The following DNMT3A variants were observed in gnomAD, a reference collection of about 807,000 sequenced individuals.
DNMT3A encodes the protein DNA methyltransferase 3 alpha.
Under a neutral mutation model 117.6 loss-of-function variants are expected in DNMT3A, and 267 were observed. That is an observed-to-expected ratio of 2.27 (90% CI 2.05 to 2.51). DNMT3A has a LOEUF of 2.51. DNMT3A is among the 30% of genes most tolerant of loss of function. The pLI, the probability that DNMT3A is intolerant of heterozygous loss-of-function variation, is 0.00. For missense variants in DNMT3A, 1,029 were observed against 1,260.2 expected, an observed-to-expected ratio of 0.82 and a Z score of 2.78; for synonymous variants, 432 against 474.8, an observed-to-expected ratio of 0.91 and a Z score of 1.17.
intron 1 of DNMT3A, among the ~76,000 whole-genome samples, chr2:25,319,114 A>G (rs2034496365): frequency 6.7e-6 from 1 of 148,226 alleles, no homozygotes; most frequent in Non-Finnish European, 1.5e-5. Flanking sequence ...TCCCGGGTTC[A>G]TGCCATTCTC....
intron 6 of DNMT3A, among the ~76,000 whole-genome samples, chr2:25,273,284 G>A (rs111479240): frequency 0.012 from 1,856 of 152,124 alleles, 22 homozygotes; most frequent in Non-Finnish European, 0.018. Flanking sequence ...CTAATTTTTT[G>A]TATTTTTGGT....
chr2:25,238,972 T>C (rs1673665416), intron 20 of DNMT3A, among the ~76,000 whole-genome samples, 158 bp downstream of exon 20: 1 of 152,242 alleles, frequency 6.6e-6, no homozygotes, highest in Non-Finnish European at 1.5e-5. Flanking sequence ...CTGACTCCTC[T>C]TCCTCCTCAA....
intron 1 of DNMT3A, among the ~76,000 whole-genome samples, chr2:25,331,448 T>G (rs1319880935): frequency 6.6e-6 from 1 of 152,194 alleles, no homozygotes; most frequent in Non-Finnish European, 1.5e-5. Flanking sequence ...CCTATCTCTC[T>G]CCGCAGACCT....
chr2:25,303,889 A>C (rs1222701866), intron 2 of DNMT3A, among the ~76,000 whole-genome samples: 1 of 152,244 alleles, frequency 6.6e-6, no homozygotes, highest in African/African-American at 2.4e-5. Flanking sequence ...GAAGCGTAGC[A>C]AGTGGTTCAT....
rs981218522 is a variant in DNMT3A, at chr2:25,314,418, C to A, written c.-177-257G>T. 74 of 985,252 alleles carry A rather than the reference C, an allele frequency of 7.5e-5. No homozygotes were observed. The African/African-American group carries it at 1.2e-3, about 16-fold the overall frequency. 61.0% of individuals were successfully genotyped at this position (985,252 alleles called of 1,614,324 possible). On this transcript the variant is annotated intron_variant, in intron 1 of 22. Coordinates refer to ENST00000321117, the MANE Select transcript of DNMT3A (RefSeq NM_022552.5). ...CGGCCAATGGGTGCCACTTCTGGGA[C>A]CTCCAGCTGCCTCCGCCTCCTCCCT...
intron 7 of DNMT3A, 30 bp downstream of exon 7, chr2:25,248,007 C>T (rs542946856): frequency 6.2e-7 from 1 of 1,611,222 alleles, no homozygotes. Context: ...CCGGAAAGAG[C>T]TGGCCACGGC....
chr2:25,316,984 TG>T (rs1477462247), intron 1 of DNMT3A, among the ~76,000 whole-genome samples: 1 of 152,242 alleles, frequency 6.6e-6, no homozygotes, highest in Non-Finnish European at 1.5e-5. Flanking sequence ...AAAACTGTTG[TG>T]GAAAAAGAAC....
At chr2:25,342,264 G>C (rs1016868218), upstream of DNMT3A, among the ~76,000 whole-genome samples, 6 of 149,364 alleles carry the variant, frequency 4.0e-5, no homozygotes, top group African/African-American at 1.5e-4. This position sits in a 1 kb window ranked among gnomAD's most constrained non-coding sequence, Gnocchi z 5.9. Flanking sequence ...CCCCGCCGGG[G>C]TCCCCGCACG....
At chr2:25,325,482 T>C (rs1402540688) in intron 1 of DNMT3A, among the ~76,000 whole-genome samples, 1 of 152,180 alleles carries the variant, frequency 6.6e-6, no homozygotes, top group Non-Finnish European at 1.5e-5. Flanking sequence ...CTCTACAGCA[T>C]GGTCCACAGC....
chr2:25,245,436 A>C (rs1008257483), intron 12 of DNMT3A, 104 bp from the exon 13 acceptor site: 24 of 1,039,970 alleles, frequency 2.3e-5, no homozygotes, highest in Non-Finnish European at 3.3e-5. Flanking sequence ...GGTGTGCCAG[A>C]GCGGCAGCCA....
At chr2:25,315,556 C>T (rs1029941180) in intron 1 of DNMT3A, among the ~76,000 whole-genome samples, 3 of 152,190 alleles carry the variant, frequency 2.0e-5, no homozygotes, top group Non-Finnish European at 4.4e-5. Flanking sequence ...TGGACGGCAG[C>T]GGAGAGCAGC....
chr2:25,336,798 C>T (rs992987370), intron 1 of DNMT3A, among the ~76,000 whole-genome samples: 2 of 152,160 alleles, frequency 1.3e-5, no homozygotes, highest in African/African-American at 4.8e-5. Context: ...ACCTCCCGGG[C>T]ACTACAGCCA....
chr2:25,338,052 A>C (rs1294454149), intron 1 of DNMT3A, among the ~76,000 whole-genome samples: 1 of 152,078 alleles, frequency 6.6e-6, no homozygotes, highest in Non-Finnish European at 1.5e-5. Context: ...GACACACTCA[A>C]CTCCCAGTGG....
Position 25,244,648 on chromosome 2 carries a change from CA to C in DNMT3A, c.1558del (p.Cys520AlafsTer131). The C allele has an allele frequency of 6.2e-7, 1 of 1,614,010 alleles. No individual in the cohort carries two copies. On this transcript the variant is annotated frameshift_variant, in exon 14 of 23. Transcript: ENST00000321117. LOFTEE classifies it high-confidence loss of function. ...GTACTGGTACGCACACTCCAGAAAGCAGTTCTAGACAGCAGCGGGAAGGGTC... is the reference window on the plus strand; with the variant it reads ...GTACTGGTACGCACACTCCAGAAAGCGTTCTAGACAGCAGCGGGAAGGGTC... ...VGGMCQNCKNCFLECAYQYDD... is the reference protein window; with the variant it reads ...VGGMCQNCKNXFLECAYQYDD...
intron 3 of DNMT3A, among the ~76,000 whole-genome samples, chr2:25,288,361 G>A (rs774697210): frequency 6.6e-6 from 1 of 151,900 alleles, no homozygotes; most frequent in Non-Finnish European, 1.5e-5. Context: ...AACCTAGGAG[G>A]CAGAGCTTGC....
chr2:25,287,192 A>G (rs2032371673), intron 3 of DNMT3A, among the ~76,000 whole-genome samples: 2 of 152,036 alleles, frequency 1.3e-5, no homozygotes, highest in African/African-American at 4.8e-5. Context: ...GTTGCCCATT[A>G]TCTGGGAGAG....
chr2:25,281,544 T>G lies in DNMT3A; in HGVS notation c.448+897A>C. On this transcript the variant is annotated intron_variant, in intron 4 of 22. Coordinates refer to ENST00000321117, the MANE Select transcript of DNMT3A (RefSeq NM_022552.5). The surrounding 1 kb of genome is among the most constrained non-coding windows in gnomAD (Gnocchi z 4.8). ...AAATAAGTTACGCCAATTAATCAAT[T>G]TACTCATTTCATCATACACGCTTGG... 9.4e-7 allele frequency: 1 copy of G among 1,061,600 alleles called. No homozygotes were observed. The highest frequency in any genetic ancestry group is 1.1e-6 in the Non-Finnish European group (1 of 876,856). 65.8% of individuals were successfully genotyped at this position (1,061,600 alleles called of 1,614,324 possible).
At chr2:25,319,029 T>C (rs530569977) in intron 1 of DNMT3A, among the ~76,000 whole-genome samples, 9 of 148,220 alleles carry the variant, frequency 6.1e-5, no homozygotes, top group South Asian at 4.3e-4. Flanking sequence ...TTTTTTTTTT[T>C]TTTGAGACGG....
At chr2:25,319,054 G>A (rs1360872113) in intron 1 of DNMT3A, among the ~76,000 whole-genome samples, 6 of 137,776 alleles carry the variant, frequency 4.4e-5, no homozygotes, top group East Asian at 2.1e-4. Flanking sequence ...TTGCTCTGTC[G>A]CCCAGGCTGG....
Sources: gnomAD v4.1 joint callset for allele counts (sites outside exome capture counted in the v4.1 genomes callset) on GRCh38, gnomAD v4.1.1 for gene constraint, Gnocchi (gnomAD v3.1) non-coding constraint, MANE v1.5 for transcripts, NCBI Gene and HGNC (gene_info 2026-07-23, HGNC 2026-07-21) for gene names.